The following DOCK3 variants were observed in gnomAD, a reference collection of about 807,000 sequenced individuals.
DOCK3 encodes dedicator of cytokinesis 3.
In DOCK3, 60 loss-of-function variants were observed where a neutral mutation model predicts 265.6. The observed-to-expected ratio is 0.23, with a 90% CI of 0.18 to 0.28. The LOEUF is 0.28. Among genes scored for constraint, DOCK3 ranks in the 10% least tolerant of loss-of-function variants. The pLI is 1.00. For missense variants in DOCK3, 1,981 were observed against 2,594.3 expected, an observed-to-expected ratio of 0.76 and a Z score of 5.14; for synonymous variants, 881 against 938.0, an observed-to-expected ratio of 0.94 and a Z score of 1.11.
At chr3:50,935,898 A>T (rs772583789) in intron 5 of DOCK3, among the ~76,000 whole-genome samples, 1 of 152,244 alleles carries the variant, frequency 6.6e-6, no homozygotes, top group Non-Finnish European at 1.5e-5. Context: ...GTGTCATAGT[A>T]TAATAATGTT....
chr3:51,336,897 AT>A, intron 35 of DOCK3: 1 of 456,076 alleles, frequency 2.2e-6, no homozygotes, highest in Non-Finnish European at 4.4e-6. Flanking sequence ...GCTAGGTAAA[AT>A]CTCACTGCCC....
At chr3:51,341,597 C>G (rs1036611508) in intron 38 of DOCK3, among the ~76,000 whole-genome samples, 1 of 152,198 alleles carries the variant, frequency 6.6e-6, no homozygotes, top group Non-Finnish European at 1.5e-5. Context: ...AAAGCCATAT[C>G]CAGATTGTAG....
At position 51,382,165 on chromosome 3, in the gene DOCK3, T is replaced by C. The variant is rs1198177778; in HGVS notation, c.*606T>C. The C allele has an allele frequency of 3.3e-5, 5 of 152,522 alleles. No individual in the cohort carries two copies. Among genetic ancestry groups the C allele is most frequent in the African/African-American group, 1.2e-4 (5 of 41,444 alleles). The allele number at this position is 152,522 out of a possible 1,614,324, so 9.4% of individuals were successfully genotyped here. ...CTGGACCAACCTGCTGGCTCAGGCA[T>C]GTGACTGGCCTAACTGCATGCCCAG... On this transcript the variant is annotated 3_prime_UTR_variant, in exon 53 of 53. Transcript: ENST00000266037.
At chr3:51,098,989 G>A (rs916969335) in intron 9 of DOCK3, among the ~76,000 whole-genome samples, 3 of 152,110 alleles carry the variant, frequency 2.0e-5, no homozygotes, top group Middle Eastern at 3.2e-3. Flanking sequence ...AATGATTTCT[G>A]TGCCCTATGG....
At chr3:51,324,607 A>G (rs2083967462) in intron 32 of DOCK3, among the ~76,000 whole-genome samples, 1 of 152,256 alleles carries the variant, frequency 6.6e-6, no homozygotes. Context: ...CTGCATAGCC[A>G]AGATAATCTT....
chr3:50,996,720 G>A (rs2078299676), intron 5 of DOCK3, among the ~76,000 whole-genome samples: 1 of 152,086 alleles, frequency 6.6e-6, no homozygotes, highest in Non-Finnish European at 1.5e-5. Flanking sequence ...GTAGTGCATG[G>A]CATTTTAATT....
chr3:50,849,395 CACACACACAT>C (rs2046252268), intron 3 of DOCK3, among the ~76,000 whole-genome samples: 1 of 151,378 alleles, frequency 6.6e-6, no homozygotes, highest in African/African-American at 2.4e-5. Flanking sequence ...TATATACACA[CACACACACAT>C]ACACACACAC....
intron 13 of DOCK3, among the ~76,000 whole-genome samples, chr3:51,209,200 T>TA (rs1192486243): frequency 1.3e-5 from 2 of 152,198 alleles, no homozygotes; most frequent in African/African-American, 4.8e-5. Context: ...GCCAAATAAA[T>TA]ACCTCTATCT....
intron 10 of DOCK3, among the ~76,000 whole-genome samples, chr3:51,151,130 C>T (rs1375139270): frequency 6.6e-6 from 1 of 151,986 alleles, no homozygotes; most frequent in Non-Finnish European, 1.5e-5. Flanking sequence ...AGGATCGCAA[C>T]CCCTGCTTTT....
intron 9 of DOCK3, among the ~76,000 whole-genome samples, chr3:51,137,847 C>T (rs1410852157): frequency 6.6e-6 from 1 of 152,126 alleles, no homozygotes; most frequent in Non-Finnish European, 1.5e-5. Context: ...CAGATAGTAA[C>T]TTAGAAAGAT....
At chr3:50,774,672 A>G (rs776784841) in intron 1 of DOCK3, among the ~76,000 whole-genome samples, 1 of 151,908 alleles carries the variant, frequency 6.6e-6, no homozygotes, top group Non-Finnish European at 1.5e-5. Flanking sequence ...ATTTCCAATT[A>G]TTACACCTTT....
chr3:51,297,660 C>G (rs2082162412), intron 27 of DOCK3, among the ~76,000 whole-genome samples: 1 of 152,032 alleles, frequency 6.6e-6, no homozygotes, highest in Admixed American at 6.6e-5. Context: ...CATAACAGGC[C>G]AGGCATGGTA....
chr3:51,111,236 G>C, intron 9 of DOCK3, among the ~76,000 whole-genome samples: 1 of 152,114 alleles, frequency 6.6e-6, no homozygotes, highest in East Asian at 1.9e-4. Context: ...AATCAGTATT[G>C]TTAGAATAGC....
At chr3:50,845,499 G>T (rs2046037396) in intron 3 of DOCK3, among the ~76,000 whole-genome samples, 1 of 152,110 alleles carries the variant, frequency 6.6e-6, no homozygotes, top group African/African-American at 2.4e-5. Flanking sequence ...CATATTCATG[G>T]AATAGTAAAT....
intron 35 of DOCK3, 125 bp from the exon 36 acceptor site, chr3:51,338,232 CAG>C: frequency 2.1e-6 from 2 of 958,412 alleles, no homozygotes; most frequent in South Asian, 1.6e-5. Flanking sequence ...TCTATGGAAG[CAG>C]TTCCTGTTGG....
intron 49 of DOCK3, among the ~76,000 whole-genome samples, chr3:51,369,274 G>T (rs2087497169): frequency 6.6e-6 from 1 of 152,196 alleles, no homozygotes; most frequent in Non-Finnish European, 1.5e-5. Flanking sequence ...TGAACCCATT[G>T]CAAAGAAGCT....
intron 4 of DOCK3, among the ~76,000 whole-genome samples, chr3:50,896,156 A>G (rs559775532): frequency 6.6e-6 from 1 of 152,076 alleles, no homozygotes; most frequent in African/African-American, 2.4e-5. Context: ...AAGTGTTCCT[A>G]TTTCTCCACA....
At chr3:51,152,363 C>T (rs1034390811) in intron 10 of DOCK3, among the ~76,000 whole-genome samples, 6 of 152,176 alleles carry the variant, frequency 3.9e-5, no homozygotes, top group Non-Finnish European at 8.8e-5. Context: ...AAGGTCTTCT[C>T]TACACTGTGT....
intron 2 of DOCK3, among the ~76,000 whole-genome samples, chr3:50,834,872 A>G (rs1012873541): frequency 1.3e-5 from 2 of 152,208 alleles, no homozygotes; most frequent in Non-Finnish European, 2.9e-5. Flanking sequence ...TAAATGTAAC[A>G]TGAAAATCTT....
Sources: gnomAD v4.1 joint callset for allele counts (sites outside exome capture counted in the v4.1 genomes callset) on GRCh38, gnomAD v4.1.1 for gene constraint, MANE v1.5 for transcripts, NCBI Gene and HGNC (gene_info 2026-07-23, HGNC 2026-07-21) for gene names.